TRPM3: variants seen among roughly 807,000 people sequenced by gnomAD.
The protein encoded by TRPM3 is long transient receptor potential channel 3.
A neutral mutation model predicts 181.2 loss-of-function variants in TRPM3; 77 were observed. The ratio of observed to expected loss-of-function variants is 0.42; its 90% confidence interval spans 0.35 to 0.51. The LOEUF is 0.51. Among genes scored for constraint, TRPM3 ranks in the 20% least tolerant of loss-of-function variants. The pLI is 0.01. For missense variants in TRPM3, 1,759 were observed against 2,196.7 expected (o/e 0.80, Z 3.98); for synonymous variants, 745 against 796.4 (o/e 0.94, Z 1.09).
intron 1 of TRPM3, among the ~76,000 whole-genome samples, chr9:71,324,287 G>A (rs1019583669): frequency 3.3e-5 from 5 of 152,122 alleles, no homozygotes; most frequent in African/African-American, 1.2e-4. Context: ...ATATATAAAT[G>A]AAAGTCTTAG....
At chr9:71,065,972 A>C (rs2061869319) in intron 1 of TRPM3, among the ~76,000 whole-genome samples, 1 of 152,160 alleles carries the variant, frequency 6.6e-6, no homozygotes, top group African/African-American at 2.4e-5. Context: ...AAACTGAACC[A>C]GCACAGCCAT....
intron 1 of TRPM3, among the ~76,000 whole-genome samples, chr9:71,234,411 G>C (rs973384448): frequency 1.3e-5 from 2 of 152,308 alleles, no homozygotes; most frequent in South Asian, 4.1e-4. Context: ...ATGAAATTCT[G>C]ATGACCCATA....
At chr9:71,373,984 C>T (rs865897253) in intron 1 of TRPM3, among the ~76,000 whole-genome samples, 4 of 152,152 alleles carry the variant, frequency 2.6e-5, no homozygotes, top group African/African-American at 7.2e-5. Context: ...CACAAATCAA[C>T]GTGATTCATC....
intron 1 of TRPM3, among the ~76,000 whole-genome samples, chr9:71,104,209 C>G (rs563610641): frequency 1.3e-5 from 2 of 152,132 alleles, no homozygotes. Flanking sequence ...AATCACCATG[C>G]CCACCCCATT....
intron 1 of TRPM3, among the ~76,000 whole-genome samples, chr9:71,371,272 C>T (rs2132800410): frequency 6.6e-6 from 1 of 152,288 alleles, no homozygotes; most frequent in Admixed American, 6.5e-5. Flanking sequence ...ATAACTGCCA[C>T]AGATTGTGAT....
chr9:71,306,854 A>C (rs2087390547), intron 1 of TRPM3, among the ~76,000 whole-genome samples: 1 of 151,926 alleles, frequency 6.6e-6, no homozygotes, highest in African/African-American at 2.4e-5. Context: ...GCCTGGTGAC[A>C]GAGCGAGACT....
chr9:70,864,537 A>AG (rs72324326), intron 1 of TRPM3, 26 bp from the exon 2 acceptor site: 4 of 1,457,880 alleles, frequency 2.7e-6, no homozygotes, highest in African/African-American at 2.9e-5. Flanking sequence ...AAAAAAAAAA[A>AG]AAAAGAAAAA....
At chr9:70,995,807 C>T (rs889551102) in intron 1 of TRPM3, among the ~76,000 whole-genome samples, 1 of 152,166 alleles carries the variant, frequency 6.6e-6, no homozygotes, top group African/African-American at 2.4e-5. Flanking sequence ...CTGACCCATA[C>T]ATACAGAGTC....
At position 71,194,280 on chromosome 9, in the gene TRPM3, G is replaced by GT. The variant is rs569282980; in HGVS notation, c.183+252372dup. Among the ~76,000 whole-genome samples the GT allele has an allele frequency of 3.3e-5, 5 of 151,868 alleles. No homozygotes were observed. In the South Asian group the frequency reaches 1.0e-3, roughly 32 times the overall value. The stretch of plus-strand genomic sequence containing the variant: ...ATACGTGGGAGGAAGAGTTAAATAG[G>GT]TATATGGCAACCAGGAGGATTGATT... On this transcript the variant is annotated intron_variant, in intron 1 of 24. Coordinates refer to the TRPM3 transcript ENST00000357533.
intron 5 of TRPM3, among the ~76,000 whole-genome samples, chr9:70,840,964 G>C (rs2094589715): frequency 6.6e-6 from 1 of 152,144 alleles, no homozygotes; most frequent in South Asian, 2.1e-4. Context: ...TGAGTTTACA[G>C]GAGAGATCCT....
At chr9:70,899,806 G>A (rs543620069) in intron 1 of TRPM3, among the ~76,000 whole-genome samples, 16 of 152,252 alleles carry the variant, frequency 1.1e-4, no homozygotes, top group Admixed American at 2.0e-4. Context: ...TGCTATAGAC[G>A]TAGTTCTTAG....
intron 1 of TRPM3, among the ~76,000 whole-genome samples, chr9:71,093,478 TA>T (rs77760323): frequency 6.6e-5 from 10 of 151,364 alleles, no homozygotes; most frequent in East Asian, 2.0e-4. Context: ...AACAGACATA[TA>T]AAAAAAAATC....
intron 1 of TRPM3, among the ~76,000 whole-genome samples, chr9:71,070,838 GC>G (rs1429050522): frequency 2.3e-4 from 35 of 152,122 alleles, no homozygotes; most frequent in Admixed American, 2.3e-3. Context: ...TGGGGCTGGA[GC>G]TTTTTTCAAC....
chr9:70,663,085 T>G, intron 9 of TRPM3, among the ~76,000 whole-genome samples: 1 of 152,176 alleles, frequency 6.6e-6, no homozygotes, highest in East Asian at 1.9e-4. Context: ...TATTGTCTTT[T>G]GCAGCAGCTT....
chr9:71,365,184 A>G (rs1393215524), intron 1 of TRPM3, among the ~76,000 whole-genome samples: 1 of 152,196 alleles, frequency 6.6e-6, no homozygotes, highest in East Asian at 1.9e-4. Flanking sequence ...GCTACCTGGA[A>G]TAAATGAACA....
intron 1 of TRPM3, among the ~76,000 whole-genome samples, chr9:71,379,275 G>A (rs2092736787): frequency 6.6e-6 from 1 of 152,034 alleles, no homozygotes; most frequent in South Asian, 2.1e-4. Flanking sequence ...AAATGTTGAA[G>A]AGCATTACTT....
At chr9:70,924,887 C>T (rs1347653003) in intron 1 of TRPM3, among the ~76,000 whole-genome samples, 1 of 152,116 alleles carries the variant, frequency 6.6e-6, no homozygotes, top group Admixed American at 6.6e-5. Context: ...GTAATTTCTA[C>T]AAGGTTACAC....
chr9:70,846,241 G>T, intron 4 of TRPM3, 137 bp downstream of exon 4: 1 of 752,872 alleles, frequency 1.3e-6, no homozygotes, highest in Middle Eastern at 2.4e-4. Context: ...AAAGGAGGGA[G>T]TGATAACCAG....
intron 6 of TRPM3, among the ~76,000 whole-genome samples, chr9:70,818,892 T>C (rs993759607): frequency 2.0e-5 from 3 of 152,068 alleles, no homozygotes; most frequent in African/African-American, 4.8e-5. Flanking sequence ...TTGAAGGAGG[T>C]ACCAGGGCTG....
Sources: gnomAD v4.1 joint callset for allele counts (sites outside exome capture counted in the v4.1 genomes callset) on GRCh38, gnomAD v4.1.1 for gene constraint, MANE v1.5 for transcripts, NCBI Gene and HGNC (gene_info 2026-07-23, HGNC 2026-07-21) for gene names.